The following C12orf56 variants were observed in gnomAD, a reference collection of about 807,000 sequenced individuals.
C12orf56 encodes the protein uncharacterized protein C12orf56.
Under a neutral mutation model 69.9 loss-of-function variants are expected in C12orf56, and 71 were observed. That is an observed-to-expected ratio of 1.02 (90% CI 0.84 to 1.24). The LOEUF is 1.24. Ranked by LOEUF, C12orf56 falls within the 50% of genes most tolerant of loss-of-function variation. The probability of loss-of-function intolerance (pLI) is 0.00; values close to 1 mark genes in which losing one functional copy is unlikely to be tolerated. For missense variants in C12orf56, 732 were observed against 738.5 expected, an observed-to-expected ratio of 0.99 and a Z score of 0.10; for synonymous variants, 276 against 274.1, an observed-to-expected ratio of 1.01 and a Z score of -0.07.
intron 5 of C12orf56, among the ~76,000 whole-genome samples, chr12:64,309,312 G>C (rs897103854): frequency 5.3e-5 from 8 of 152,084 alleles, no homozygotes; most frequent in Admixed American, 3.9e-4. Context: ...CCCAACCCCG[G>C]AGACCTCTAT....
intron 1 of C12orf56, among the ~76,000 whole-genome samples, chr12:64,386,059 C>A (rs1254403901): frequency 6.6e-6 from 1 of 152,112 alleles, no homozygotes; most frequent in Non-Finnish European, 1.5e-5. Flanking sequence ...AAATCCATTT[C>A]CTTGCCTTTT....
intron 1 of C12orf56, among the ~76,000 whole-genome samples, chr12:64,359,768 G>C (rs1265113968): frequency 6.6e-6 from 1 of 152,068 alleles, no homozygotes; most frequent in Admixed American, 6.6e-5. Context: ...GGCTGGAGTA[G>C]AGTGGCATAA....
chr12:64,288,721 G>T (rs2038242352), intron 6 of C12orf56, among the ~76,000 whole-genome samples: 1 of 141,102 alleles, frequency 7.1e-6, no homozygotes, highest in African/African-American at 2.7e-5. Context: ...CTCTGTTTTG[G>T]TACCAGTACC....
At chr12:64,382,850 G>A (rs1183432250) in intron 1 of C12orf56, among the ~76,000 whole-genome samples, 3 of 136,054 alleles carry the variant, frequency 2.2e-5, no homozygotes, top group South Asian at 4.8e-4. Flanking sequence ...CAGCCTGGGT[G>A]ACAGAGTGAG....
chr12:64,383,063 TC>T (rs1402802740), intron 1 of C12orf56, among the ~76,000 whole-genome samples: 1 of 151,934 alleles, frequency 6.6e-6, no homozygotes, highest in East Asian at 1.9e-4. Flanking sequence ...ACACCTGTAA[TC>T]CCAGCACTTT....
chr12:64,364,037 G>C (rs2039432849), intron 1 of C12orf56, among the ~76,000 whole-genome samples: 3 of 151,650 alleles, frequency 2.0e-5, no homozygotes, highest in African/African-American at 7.3e-5. Flanking sequence ...GTTGGGCCAG[G>C]CACGGTGGCT....
At chr12:64,372,545 C>T (rs1000694504) in intron 1 of C12orf56, among the ~76,000 whole-genome samples, 6 of 152,126 alleles carry the variant, frequency 3.9e-5, no homozygotes, top group Admixed American at 2.6e-4. Flanking sequence ...GACAGAGTCT[C>T]GCTCTGTTGT....
chr12:64,323,557 A>G (rs1405202750), intron 3 of C12orf56, among the ~76,000 whole-genome samples: 1 of 110,296 alleles, frequency 9.1e-6, no homozygotes, highest in Non-Finnish European at 1.9e-5. Context: ...AACTACTGCA[A>G]ACATTTCCTT....
At chr12:64,367,494 G>A (rs1046444378) in intron 1 of C12orf56, among the ~76,000 whole-genome samples, 1 of 150,478 alleles carries the variant, frequency 6.6e-6, no homozygotes, top group East Asian at 1.9e-4. Context: ...ATGAGACAAC[G>A]TTTAAGGAGA....
intron 2 of C12orf56, among the ~76,000 whole-genome samples, chr12:64,347,491 G>A (rs1016191897): frequency 4.6e-5 from 7 of 151,910 alleles, no homozygotes; most frequent in African/African-American, 1.7e-4. Flanking sequence ...TCACCATATT[G>A]GTCAGGCCAG....
At position 64,390,352 on chromosome 12, in the gene C12orf56, G is replaced by A. The variant is rs541922145; in HGVS notation, c.214C>T (p.Arg72Trp). Residue 72 changes from arginine (R) to tryptophan (W), a missense_variant, in exon 1 of 13, where the codon CGG (arginine) becomes TGG (tryptophan). Coordinates refer to ENST00000543942, the MANE Select transcript of C12orf56 (RefSeq NM_001170633.2). ...ACGACGTCCCGCAGAGCCACTACCC[G>A]CCGGATGGACTTGGGCGGGTTCTCG... ...LTENPPKSIR[R>W]VVALRDVVAI... 108 of 1,612,360 alleles carry A rather than the reference G, an allele frequency of 6.7e-5. 1 individual carries two copies. The South Asian group carries it at 1.1e-3, about 17-fold the overall frequency.
intron 4 of C12orf56, among the ~76,000 whole-genome samples, chr12:64,317,097 A>G (rs1565753092): frequency 6.6e-6 from 1 of 152,156 alleles, no homozygotes; most frequent in African/African-American, 2.4e-5. Context: ...GCTTTCCTCT[A>G]TTTGTAATTT....
intron 2 of C12orf56, among the ~76,000 whole-genome samples, chr12:64,332,302 CAAAAA>C (rs10680877): frequency 9.9e-6 from 1 of 100,776 alleles, no homozygotes; most frequent in African/African-American, 3.9e-5. Context: ...GACTCCATCT[CAAAAA>C]AAAAAAAAAA....
chr12:64,276,975 C>T (rs750763880), intron 9 of C12orf56, among the ~76,000 whole-genome samples: 79 of 121,674 alleles, frequency 6.5e-4, no homozygotes, highest in South Asian at 1.3e-3. Context: ...GCCTGGGCAA[C>T]AGAGTGAAAC....
At chr12:64,270,108 C>T (rs185545108) in intron 12 of C12orf56, among the ~76,000 whole-genome samples, 10 of 150,744 alleles carry the variant, frequency 6.6e-5, no homozygotes, top group Admixed American at 6.0e-4. Flanking sequence ...TTATTAAAAA[C>T]AAAAATAGGC....
intron 1 of C12orf56, among the ~76,000 whole-genome samples, chr12:64,385,698 C>T (rs1186751022): frequency 1.3e-5 from 2 of 152,112 alleles, no homozygotes; most frequent in Non-Finnish European, 2.9e-5. Context: ...AACCAGTCAC[C>T]ACTCCTGACT....
chr12:64,315,926 C>T (rs1253540895), intron 4 of C12orf56, among the ~76,000 whole-genome samples: 2 of 140,400 alleles, frequency 1.4e-5, no homozygotes, highest in African/African-American at 5.4e-5. Flanking sequence ...AGTGAAACTC[C>T]ACCTCAAAAA....
chr12:64,265,164 T>C lies in C12orf56; in HGVS notation c.*2019A>G, dbSNP rs1054313283. 3 of 152,208 alleles carry C rather than the reference T, an allele frequency of 2.0e-5. No individual in the cohort carries two copies. Among genetic ancestry groups the C allele is most frequent in the African/African-American group, 7.2e-5 (3 of 41,438 alleles). 9.4% of individuals were successfully genotyped at this position (152,208 alleles called of 1,614,324 possible). On this transcript the variant is annotated 3_prime_UTR_variant, in exon 13 of 13. Coordinates refer to ENST00000543942, the MANE Select transcript of C12orf56 (RefSeq NM_001170633.2). The stretch of plus-strand genomic sequence containing the variant: ...TTCTTTGTCCGGTTTGAGGTAATAC[T>C]TGCCTATGTTCCAAGAATCTTTTCA...
intron 5 of C12orf56, among the ~76,000 whole-genome samples, chr12:64,307,434 A>G (rs1339347844): frequency 7.1e-6 from 1 of 140,642 alleles, no homozygotes; most frequent in East Asian, 2.2e-4. Flanking sequence ...CCGTGGCACA[A>G]TCTCGGCTCA....
Sources: gnomAD v4.1 joint callset for allele counts (sites outside exome capture counted in the v4.1 genomes callset) on GRCh38, gnomAD v4.1.1 for gene constraint, MANE v1.5 for transcripts, NCBI Gene and HGNC (gene_info 2026-07-23, HGNC 2026-07-21) for gene names.